The following RNF14 variants were observed in gnomAD, a reference collection of about 807,000 sequenced individuals.
RNF14 encodes the protein ring finger protein 14, also known as E3 ubiquitin-protein ligase RNF14.
In RNF14, 26 loss-of-function variants were observed where a neutral mutation model predicts 52.6. The ratio of observed to expected loss-of-function variants is 0.49; its 90% CI spans 0.36 to 0.69. The LOEUF (loss-of-function observed/expected upper bound fraction) is 0.69. Ranked by LOEUF, RNF14 falls within the 30% of genes least tolerant of loss-of-function variation. The pLI, the probability that RNF14 is intolerant of heterozygous loss-of-function variation, is 0.00. For missense variants in RNF14, 404 were observed against 560.4 expected (o/e 0.72, Z 2.82); for synonymous variants, 194 against 202.0 (o/e 0.96, Z 0.34).
At chr5:141,955,054 C>T, upstream of RNF14, 3 of 1,614,242 alleles carry the variant, frequency 1.9e-6, no homozygotes, top group Non-Finnish European at 1.7e-6. The surrounding 1 kb of genome is among the most constrained non-coding windows in gnomAD (Gnocchi z 5.5). Flanking sequence ...GACCAGGCTC[C>T]GCAGGATCTG....
intron 7 of RNF14, among the ~76,000 whole-genome samples, chr5:141,984,223 G>A (rs908299900): frequency 4.0e-5 from 6 of 151,024 alleles, no homozygotes; most frequent in African/African-American, 9.8e-5. Context: ...TCAGCCTCCC[G>A]AGTAGCTGGG....
At chr5:141,986,228 TTGA>T (rs1466289072) in intron 8 of RNF14, among the ~76,000 whole-genome samples, 1 of 152,236 alleles carries the variant, frequency 6.6e-6, no homozygotes, top group Non-Finnish European at 1.5e-5. Context: ...TCAGCATCAG[TTGA>T]TGATCTTTGT....
intron 3 of RNF14, 112 bp downstream of exon 3, chr5:141,973,854 A>T (rs1754013003): frequency 3.5e-6 from 3 of 863,132 alleles, no homozygotes; most frequent in Non-Finnish European, 5.2e-6. Flanking sequence ...GTAGTATTAC[A>T]GAGGTAATGC....
upstream of RNF14, among the ~76,000 whole-genome samples, chr5:141,964,242 T>C (rs1753298818): frequency 6.6e-6 from 1 of 152,216 alleles, no homozygotes; most frequent in Non-Finnish European, 1.5e-5. Flanking sequence ...GCAGGTAATC[T>C]GGCTATTTCT....
upstream of RNF14, among the ~76,000 whole-genome samples, chr5:141,961,973 C>T (rs967837938): frequency 6.6e-6 from 1 of 152,210 alleles, no homozygotes; most frequent in African/African-American, 2.4e-5. Context: ...GTTGCCACAG[C>T]ATCACCACCA....
At chr5:141,963,646 G>A (rs554791644), upstream of RNF14, among the ~76,000 whole-genome samples, 10 of 152,264 alleles carry the variant, frequency 6.6e-5, no homozygotes, top group South Asian at 2.1e-3. Flanking sequence ...CATTTATTTG[G>A]TGGAATTTAG....
At chr5:141,961,524 G>A (rs1753275463) in intron 1 of RNF14, among the ~76,000 whole-genome samples, 1 of 152,176 alleles carries the variant, frequency 6.6e-6, no homozygotes, top group Non-Finnish European at 1.5e-5. Flanking sequence ...GAGTTCGTCT[G>A]GAAAGGCGAC....
chr5:141,985,229 A>G (rs1755129867), intron 8 of RNF14, among the ~76,000 whole-genome samples: 1 of 152,194 alleles, frequency 6.6e-6, no homozygotes, highest in African/African-American at 2.4e-5. Flanking sequence ...ACTTTGCCAT[A>G]TTTGTTCCCT....
At chr5:141,972,793 G>A (rs1222910051) in intron 2 of RNF14, among the ~76,000 whole-genome samples, 7 of 152,214 alleles carry the variant, frequency 4.6e-5, no homozygotes, top group African/African-American at 9.6e-5. Context: ...GTTTCACCAC[G>A]TTGGCCAGGC....
upstream of RNF14, chr5:141,955,529 T>C: frequency 6.2e-7 from 1 of 1,614,134 alleles, no homozygotes; most frequent in Non-Finnish European, 8.5e-7. The surrounding 1 kb of genome is among the most constrained non-coding windows in gnomAD (Gnocchi z 5.5). Flanking sequence ...ACGAGGTGGA[T>C]GTCTGCCTTC....
At chr5:141,963,359 T>C (rs1291821768), upstream of RNF14, 1 of 151,402 alleles carries the variant, frequency 6.6e-6, no homozygotes, top group African/African-American at 2.4e-5. Context: ...AGAAATAATG[T>C]ATGCTTTCAA....
intron 6 of RNF14, chr5:141,982,752 TTA>T (rs1183131813): frequency 6.6e-6 from 1 of 152,194 alleles, no homozygotes; most frequent in Non-Finnish European, 1.5e-5. Context: ...TTTTTTTTTT[TTA>T]CACAGAATTG....
intron 2 of RNF14, 65 bp from the exon 3 acceptor site, chr5:141,973,518 G>A: frequency 7.0e-7 from 1 of 1,426,452 alleles, no homozygotes; most frequent in Non-Finnish European, 9.6e-7. Context: ...GATTACAGGT[G>A]TGAGCCACCA....
chr5:141,980,367 G>T lies in RNF14; in HGVS notation c.1063+16G>T, dbSNP rs1206481485. 5.0e-6 allele frequency: 8 copies of T among 1,591,278 alleles called. No individual in the cohort carries two copies. The highest frequency in any genetic ancestry group is 6.9e-6 in the Non-Finnish European group (8 of 1,160,864). On this transcript the variant is annotated intron_variant, in intron 6 of 8. Coordinates refer to ENST00000394520, the MANE Select transcript of RNF14 (RefSeq NM_004290.5). ...GTGACTGCAGGTATGTTTTAACTGT[G>T]AACCCAAACCCCCATCCCCAGTCTC...
upstream of RNF14, among the ~76,000 whole-genome samples, chr5:141,965,795 C>T (rs868349526): frequency 1.1e-4 from 16 of 151,974 alleles, no homozygotes; most frequent in African/African-American, 2.2e-4. Context: ...ACAACACACA[C>T]TGGGGCCTAC....
At chr5:141,961,605 A>G (rs1398481116) in intron 1 of RNF14, among the ~76,000 whole-genome samples, 1 of 152,188 alleles carries the variant, frequency 6.6e-6, no homozygotes, top group Non-Finnish European at 1.5e-5. Context: ...ACAATTGAGG[A>G]CAGCCTCCCT....
chr5:141,964,918 C>T (rs189715393), upstream of RNF14, among the ~76,000 whole-genome samples: 2 of 151,840 alleles, frequency 1.3e-5, no homozygotes, highest in Non-Finnish European at 2.9e-5. Context: ...TGAGCCACCA[C>T]GCCTGGCCTG....
intron 2 of RNF14, 81 bp downstream of exon 2, chr5:141,970,958 C>T (rs1206200196): frequency 2.0e-5 from 3 of 152,260 alleles, no homozygotes; most frequent in Middle Eastern, 3.4e-3. Flanking sequence ...ACTAACATCT[C>T]CTAGAAAAAA....
At chr5:141,976,769 T>C in intron 4 of RNF14, among the ~76,000 whole-genome samples, 1 of 149,640 alleles carries the variant, frequency 6.7e-6, no homozygotes, top group African/African-American at 2.5e-5. Flanking sequence ...CAGCTGCCTT[T>C]CTCTCTCTTT....
Sources: allele counts gnomAD v4.1 joint callset (sites outside exome capture counted in the v4.1 genomes callset), GRCh38; gene constraint gnomAD v4.1.1; non-coding constraint Gnocchi (gnomAD v3.1); transcripts MANE v1.5; gene names NCBI Gene and HGNC (gene_info 2026-07-23, HGNC 2026-07-21).